Variants in SPAG16 observed in about 807,000 individuals in gnomAD.
The protein encoded by SPAG16 is sperm associated antigen 16.
SPAG16 carries 86 observed loss-of-function variants against 80.4 expected under a neutral mutation model. The observed-to-expected ratio is 1.07, with a 90% confidence interval of 0.90 to 1.28. The LOEUF (loss-of-function observed/expected upper bound fraction) is 1.28, where lower values mean the gene tolerates loss of function less well. SPAG16 is among the 50% of genes most tolerant of loss of function. The probability of loss-of-function intolerance (pLI) is 0.00; values close to 1 mark genes in which losing one functional copy is unlikely to be tolerated. For synonymous variants in SPAG16, 294 were observed against 265.9 expected (o/e 1.11, Z -1.03); for missense variants, 870 against 765.3 (o/e 1.14, Z -1.61).
intron 10 of SPAG16, among the ~76,000 whole-genome samples, chr2:213,707,349 T>C (rs2065802606): frequency 6.6e-6 from 1 of 152,180 alleles, no homozygotes; most frequent in Non-Finnish European, 1.5e-5. Context: ...GTTTTCACTC[T>C]CTTGTTGGAT....
At chr2:213,986,264 A>T (rs754511791) in intron 12 of SPAG16, among the ~76,000 whole-genome samples, 10 of 152,204 alleles carry the variant, frequency 6.6e-5, no homozygotes, top group Non-Finnish European at 8.8e-5. Context: ...TGAACTCTAG[A>T]GGAGAAATAG....
chr2:213,601,791 C>T (rs1185502044), intron 10 of SPAG16, among the ~76,000 whole-genome samples: 1 of 152,196 alleles, frequency 6.6e-6, no homozygotes, highest in Non-Finnish European at 1.5e-5. Context: ...CAGTAACATG[C>T]TATACAGGTT....
intron 10 of SPAG16, among the ~76,000 whole-genome samples, chr2:213,846,286 T>C (rs1559517121): frequency 6.6e-6 from 1 of 152,052 alleles, no homozygotes. Flanking sequence ...TATAAGTACA[T>C]ACATAAGTAT....
At chr2:213,650,227 G>A (rs1254929808) in intron 10 of SPAG16, among the ~76,000 whole-genome samples, 1 of 152,148 alleles carries the variant, frequency 6.6e-6, no homozygotes. Flanking sequence ...ATCTGATCCA[G>A]TGGACACATT....
At chr2:213,500,041 A>G (rs944190318) in intron 10 of SPAG16, among the ~76,000 whole-genome samples, 5 of 152,066 alleles carry the variant, frequency 3.3e-5, no homozygotes, top group African/African-American at 1.2e-4. Flanking sequence ...CTAAACTGAC[A>G]CCTGGGTTTT....
chr2:213,541,737 A>G (rs907329308), intron 10 of SPAG16, among the ~76,000 whole-genome samples: 2 of 152,236 alleles, frequency 1.3e-5, no homozygotes, highest in African/African-American at 4.8e-5. Context: ...CTATCGACAC[A>G]CAGCTGAAAA....
chr2:214,002,603 A>G (rs2046842519), intron 12 of SPAG16, among the ~76,000 whole-genome samples: 1 of 152,158 alleles, frequency 6.6e-6, no homozygotes, highest in South Asian at 2.1e-4. Flanking sequence ...GAGGCACAGG[A>G]AAGCCAGTGG....
At chr2:214,380,477 G>T (rs1278651276) in intron 15 of SPAG16, among the ~76,000 whole-genome samples, 1 of 152,094 alleles carries the variant, frequency 6.6e-6, no homozygotes, top group Non-Finnish European at 1.5e-5. Flanking sequence ...GTTTTAATAT[G>T]CAGAAAATGA....
At chr2:213,391,951 T>A (rs2125298233) in intron 9 of SPAG16, among the ~76,000 whole-genome samples, 1 of 152,334 alleles carries the variant, frequency 6.6e-6, no homozygotes, top group Non-Finnish European at 1.5e-5. Flanking sequence ...CCCTGTTACA[T>A]ATTTAAAAGT....
intron 14 of SPAG16, among the ~76,000 whole-genome samples, chr2:214,137,767 G>A (rs1389867751): frequency 6.6e-6 from 1 of 150,936 alleles, no homozygotes; most frequent in Non-Finnish European, 1.5e-5. Context: ...TACAATTGTT[G>A]CACATAAAAA....
At chr2:213,570,912 T>C (rs2059895541) in intron 10 of SPAG16, among the ~76,000 whole-genome samples, 1 of 39,560 alleles carries the variant, frequency 2.5e-5, no homozygotes, top group Admixed American at 4.0e-4. Context: ...TTTATGAATC[T>C]GGGTGCTCCT....
intron 15 of SPAG16, among the ~76,000 whole-genome samples, chr2:214,402,935 A>C (rs1701793387): frequency 6.6e-6 from 1 of 151,980 alleles, no homozygotes; most frequent in South Asian, 2.1e-4. Flanking sequence ...TTCACACTGG[A>C]AACTGGAGTG....
At chr2:213,429,091 C>G (rs1291195533) in intron 9 of SPAG16, among the ~76,000 whole-genome samples, 1 of 129,056 alleles carries the variant, frequency 7.7e-6, no homozygotes, top group African/African-American at 2.7e-5. Context: ...GACTCCATCT[C>G]AAAAAAAAAA....
intron 10 of SPAG16, among the ~76,000 whole-genome samples, chr2:213,778,342 G>A (rs1575111883): frequency 2.0e-5 from 3 of 152,152 alleles, no homozygotes; most frequent in Middle Eastern, 6.8e-3. Context: ...CTGAAAACCT[G>A]CTATTGAGGA....
intron 1 of SPAG16, among the ~76,000 whole-genome samples, chr2:213,293,814 T>C (rs2062392784): frequency 6.6e-6 from 1 of 152,262 alleles, no homozygotes; most frequent in South Asian, 2.1e-4. Context: ...CAACATTACA[T>C]ATATTCTAGG....
chr2:213,977,557 A>G (rs1017921284), intron 12 of SPAG16, among the ~76,000 whole-genome samples: 2 of 152,090 alleles, frequency 1.3e-5, no homozygotes, highest in African/African-American at 4.8e-5. Flanking sequence ...TTTAACATCC[A>G]ACTAGGCAAA....
chr2:213,391,716 TCTTTTAAG>T (rs2067763670), intron 9 of SPAG16, among the ~76,000 whole-genome samples: 1 of 152,238 alleles, frequency 6.6e-6, no homozygotes. Context: ...ACTATTTTTC[TCTTTTAAG>T]TGTGACATAA....
At chr2:213,735,778 G>T (rs1038367641) in intron 10 of SPAG16, among the ~76,000 whole-genome samples, 1 of 152,156 alleles carries the variant, frequency 6.6e-6, no homozygotes, top group Non-Finnish European at 1.5e-5. Context: ...TAGCTAGTCA[G>T]TCTCTGCCAT....
chr2:214,244,920 T>C (rs1384725278), intron 15 of SPAG16, among the ~76,000 whole-genome samples: 1 of 152,162 alleles, frequency 6.6e-6, no homozygotes, highest in East Asian at 1.9e-4. Flanking sequence ...ATTCTCTTTT[T>C]ATCTCTAAGC....
Sources: allele counts gnomAD v4.1 joint callset (sites outside exome capture counted in the v4.1 genomes callset), GRCh38; gene constraint gnomAD v4.1.1; transcripts MANE v1.5; gene names NCBI Gene and HGNC (gene_info 2026-07-23, HGNC 2026-07-21).